Variants in IRS1 observed in about 807,000 individuals in gnomAD.
IRS1 encodes the protein insulin receptor substrate 1.
A neutral mutation model predicts 65.6 loss-of-function variants in IRS1; 34 were observed. The observed-to-expected ratio is 0.52, with a 90% confidence interval of 0.39 to 0.69. IRS1 has a LOEUF of 0.69. Among genes scored for constraint, IRS1 ranks in the 30% least tolerant of loss-of-function variants. The probability of loss-of-function intolerance (pLI) is 0.00; values close to 1 mark genes in which losing one functional copy is unlikely to be tolerated. For missense variants in IRS1, 1,641 were observed against 1,720.2 expected, an observed-to-expected ratio of 0.95 and a Z score of 0.81; for synonymous variants, 699 against 683.5, an observed-to-expected ratio of 1.02 and a Z score of -0.35.
At chr2:226,781,865 TACACACACACACACACACACACACAC>T (rs34695433) in intron 1 of IRS1, among the ~76,000 whole-genome samples, 2 of 131,594 alleles carry the variant, frequency 1.5e-5, no homozygotes, top group South Asian at 2.5e-4. Context: ...CACCCCTAAA[TACACACACACACACACACACACACAC>T]ACACACACAC....
chr2:226,771,817 G>A (rs1939171655), intron 1 of IRS1, among the ~76,000 whole-genome samples: 1 of 152,028 alleles, frequency 6.6e-6, no homozygotes, highest in Non-Finnish European at 1.5e-5. Context: ...TTATTTTCAA[G>A]TTTTTATATA....
chr2:226,743,039 A>G (rs1197056021), intron 1 of IRS1, among the ~76,000 whole-genome samples: 1 of 152,170 alleles, frequency 6.6e-6, no homozygotes, highest in East Asian at 1.9e-4. Context: ...GATAAAGAAA[A>G]TGAGGTCAAG....
In IRS1 at chr2:226,736,166, G is replaced by A. The variant is rs1938320296; in HGVS notation, c.*106C>T. 1 of 152,542 alleles carries A rather than the reference G, an allele frequency of 6.6e-6. No homozygotes were observed. The highest frequency in any genetic ancestry group is 2.4e-5 in the African/African-American group (1 of 41,422). 9.4% of individuals were successfully genotyped at this position (152,542 alleles called of 1,614,324 possible). On this transcript the variant is annotated 3_prime_UTR_variant, in exon 2 of 2. Coordinates refer to ENST00000305123, the MANE Select transcript of IRS1 (RefSeq NM_005544.3). ...CATCTACTGATGAGGAAGATATGAG[G>A]TCCTAGTTGTGAATCATGAAATATT...
intron 1 of IRS1, among the ~76,000 whole-genome samples, chr2:226,739,491 CACGTT>C (rs1162033141): frequency 2.0e-4 from 30 of 152,166 alleles, no homozygotes; most frequent in Non-Finnish European, 4.0e-4. Flanking sequence ...CCTCTGAGGA[CACGTT>C]TGATCTTTGG....
At chr2:226,755,054 A>T (rs895067783) in intron 1 of IRS1, among the ~76,000 whole-genome samples, 1 of 152,070 alleles carries the variant, frequency 6.6e-6, no homozygotes, top group Non-Finnish European at 1.5e-5. Context: ...TAAAATAGAA[A>T]CCCTTTTAGC....
chr2:226,741,155 T>TA (rs1381261332), intron 1 of IRS1, among the ~76,000 whole-genome samples: 2 of 152,202 alleles, frequency 1.3e-5, no homozygotes, highest in South Asian at 2.1e-4. Context: ...TTTGAACTTT[T>TA]AAAATGCTGC....
At chr2:226,747,401 A>C (rs1441596310) in intron 1 of IRS1, among the ~76,000 whole-genome samples, 1 of 152,044 alleles carries the variant, frequency 6.6e-6, no homozygotes, top group Non-Finnish European at 1.5e-5. Context: ...CCTTATGATG[A>C]AACATGAGAG....
intron 1 of IRS1, among the ~76,000 whole-genome samples, chr2:226,781,905 C>CACACAT (rs1426885008): frequency 2.9e-4 from 44 of 150,344 alleles, no homozygotes; most frequent in African/African-American, 1.0e-3. Context: ...CACACACACA[C>CACACAT]ACGTTTGGGC....
intron 1 of IRS1, among the ~76,000 whole-genome samples, chr2:226,780,550 C>T (rs919427242): frequency 2.0e-5 from 3 of 152,106 alleles, no homozygotes; most frequent in African/African-American, 7.2e-5. Flanking sequence ...CAATTAACAT[C>T]AGAAGAACTA....
At chr2:226,742,726 A>AAG (rs1938464160) in intron 1 of IRS1, among the ~76,000 whole-genome samples, 1 of 147,788 alleles carries the variant, frequency 6.8e-6, no homozygotes, top group Non-Finnish European at 1.5e-5. Flanking sequence ...AAAAAAAAAA[A>AAG]AGAAGACCGA....
At chr2:226,754,960 C>T (rs1476024775) in intron 1 of IRS1, among the ~76,000 whole-genome samples, 2 of 152,076 alleles carry the variant, frequency 1.3e-5, no homozygotes, top group Non-Finnish European at 2.9e-5. Flanking sequence ...CAGTGGTAGA[C>T]ACAACAAACT....
intron 1 of IRS1, among the ~76,000 whole-genome samples, chr2:226,741,321 T>A (rs1290962463): frequency 6.6e-6 from 1 of 152,152 alleles, no homozygotes; most frequent in Non-Finnish European, 1.5e-5. Flanking sequence ...TTTGCCATCA[T>A]CCCAACGCAT....
At chr2:226,790,105 C>A (rs1574661050) in intron 1 of IRS1, among the ~76,000 whole-genome samples, 1 of 152,278 alleles carries the variant, frequency 6.6e-6, no homozygotes, top group East Asian at 1.9e-4. Context: ...ATTTTCTCCA[C>A]AACATTCCTA....
intron 1 of IRS1, among the ~76,000 whole-genome samples, chr2:226,763,108 C>T (rs1938952127): frequency 6.6e-6 from 1 of 152,100 alleles, no homozygotes; most frequent in South Asian, 2.1e-4. Flanking sequence ...AATGATGATA[C>T]AGTACCTCCA....
chr2:226,759,569 C>T (rs544897445), intron 1 of IRS1, among the ~76,000 whole-genome samples: 1 of 152,300 alleles, frequency 6.6e-6, no homozygotes, highest in South Asian at 2.1e-4. Context: ...TTTATTTTCT[C>T]ACTAAAGCTG....
intron 1 of IRS1, among the ~76,000 whole-genome samples, chr2:226,774,497 G>A (rs1329215542): frequency 6.6e-6 from 1 of 152,050 alleles, no homozygotes; most frequent in Non-Finnish European, 1.5e-5. Context: ...CAGAATGTTG[G>A]ACAATTTGGG....
chr2:226,774,404 A>G lies in IRS1; in HGVS notation c.*21+20585T>C, dbSNP rs577704918. On this transcript the variant is annotated intron_variant, in intron 1 of 1. Coordinates refer to ENST00000305123, the MANE Select transcript of IRS1 (RefSeq NM_005544.3). Reference sequence around the variant, plus strand: ...AAAGTAAAACACTAACATGGGGCAAATTAAAATGGAGAGAACATGGGGAAA... The same window carrying G: ...AAAGTAAAACACTAACATGGGGCAAGTTAAAATGGAGAGAACATGGGGAAA... 5.9e-5 allele frequency among the ~76,000 whole-genome samples: 9 copies of G among 152,324 alleles called. No homozygotes were observed. The East Asian group carries it at 1.2e-3, about 20-fold the overall frequency.
At chr2:226,766,165 T>TATGTATA (rs1559152107) in intron 1 of IRS1, among the ~76,000 whole-genome samples, 3 of 10,092 alleles carry the variant, frequency 3.0e-4, no homozygotes, top group African/African-American at 1.1e-3. Context: ...ATATATATAT[T>TATGTATA]TTTTTTTTTT....
chr2:226,763,124 A>T (rs951185477), intron 1 of IRS1, among the ~76,000 whole-genome samples: 3 of 152,192 alleles, frequency 2.0e-5, no homozygotes, highest in Non-Finnish European at 4.4e-5. Flanking sequence ...CTCCAACGGC[A>T]AGAAAGGGAA....
Sources: allele counts gnomAD v4.1 joint callset (sites outside exome capture counted in the v4.1 genomes callset), GRCh38; gene constraint gnomAD v4.1.1; transcripts MANE v1.5; gene names NCBI Gene and HGNC (gene_info 2026-07-23, HGNC 2026-07-21).